The following DAB1 variants were observed in gnomAD, a reference collection of about 807,000 sequenced individuals.
The protein encoded by DAB1 is DAB adaptor protein 1, also known as disabled homolog 1.
In DAB1, 15 loss-of-function variants were observed where a neutral mutation model predicts 64.6. The observed-to-expected ratio is 0.23, with a 90% CI of 0.16 to 0.36. DAB1 has a LOEUF of 0.36. Ranked by LOEUF, DAB1 falls within the 10% of genes least tolerant of loss-of-function variation. The pLI is 1.00. For synonymous variants in DAB1, 235 were observed against 251.9 expected (o/e 0.93, Z 0.64); for missense variants, 596 against 706.7 (o/e 0.84, Z 1.78).
At position 58,062,728 on chromosome 1, in the gene DAB1, T is replaced by C. The variant is rs144750408; in HGVS notation, n.387+87783A>G. Among the ~76,000 whole-genome samples the C allele has an allele frequency of 2.6e-3, 400 of 152,328 alleles. 4 individuals carry two copies. The highest frequency in any genetic ancestry group is 9.1e-3 in the African/African-American group (379 of 41,574). On this transcript the variant is annotated intron_variant and non_coding_transcript_variant, in intron 5 of 20. Coordinates refer to the DAB1 transcript ENST00000485760. Reference sequence around the variant, plus strand: ...TGGAGGGCCTACCTAGTCACCCAGATGGCTTTCTGCTTTGAGAAAGTTTCT... The same window carrying C: ...TGGAGGGCCTACCTAGTCACCCAGACGGCTTTCTGCTTTGAGAAAGTTTCT...
At chr1:57,208,077 G>C (rs1183941415) in intron 2 of DAB1, among the ~76,000 whole-genome samples, 3 of 152,196 alleles carry the variant, frequency 2.0e-5, no homozygotes, top group Non-Finnish European at 4.4e-5. Flanking sequence ...AAATAACACT[G>C]TCATGGGAGT....
intron 1 of DAB1, among the ~76,000 whole-genome samples, chr1:57,834,681 G>A (rs1652733633): frequency 6.6e-6 from 1 of 151,252 alleles, no homozygotes; most frequent in South Asian, 2.1e-4. Flanking sequence ...ACATATATAT[G>A]TGTATAGATA....
chr1:57,170,251 G>T (rs933354867), intron 2 of DAB1, among the ~76,000 whole-genome samples: 1 of 151,934 alleles, frequency 6.6e-6, no homozygotes, highest in African/African-American at 2.4e-5. Flanking sequence ...CAACTGCCTC[G>T]GCCTTCCAAA....
At chr1:57,390,893 G>T (rs1036917643) in intron 1 of DAB1, among the ~76,000 whole-genome samples, 1 of 152,248 alleles carries the variant, frequency 6.6e-6, no homozygotes, top group South Asian at 2.1e-4. Context: ...ATTCCTAGCT[G>T]TCCTCCTTCT....
chr1:57,522,248 G>A (rs1484484615), intron 7 of DAB1, among the ~76,000 whole-genome samples: 2 of 152,164 alleles, frequency 1.3e-5, no homozygotes, highest in African/African-American at 2.4e-5. Flanking sequence ...CAGTTAGACA[G>A]CCAGAGCCCC....
chr1:57,613,985 G>A (rs999228025), intron 7 of DAB1, among the ~76,000 whole-genome samples: 3 of 152,114 alleles, frequency 2.0e-5, no homozygotes, highest in East Asian at 1.9e-4. Flanking sequence ...CCTGTATATC[G>A]GTAGCAGGAA....
At chr1:58,214,088 T>C (rs1397425226) in intron 4 of DAB1, among the ~76,000 whole-genome samples, 1 of 152,146 alleles carries the variant, frequency 6.6e-6, no homozygotes, top group Non-Finnish European at 1.5e-5. Flanking sequence ...AAAAAGATCT[T>C]CATCCACCTG....
chr1:57,271,747 A>G (rs1231109872), intron 2 of DAB1, among the ~76,000 whole-genome samples: 1 of 152,180 alleles, frequency 6.6e-6, no homozygotes, highest in Non-Finnish European at 1.5e-5. Flanking sequence ...AGTGCCATCT[A>G]GGCTGATTTT....
chr1:57,617,787 C>T (rs1393534341), intron 7 of DAB1, among the ~76,000 whole-genome samples: 2 of 152,192 alleles, frequency 1.3e-5, no homozygotes, highest in South Asian at 2.1e-4. Flanking sequence ...TCCCAAGACT[C>T]ACCTGTGCTT....
intron 3 of DAB1, among the ~76,000 whole-genome samples, chr1:58,414,557 A>G (rs1357177285): frequency 6.6e-6 from 1 of 152,254 alleles, no homozygotes; most frequent in African/African-American, 2.4e-5. Flanking sequence ...TTCTTGAATG[A>G]ATGAATGAAT....
chr1:57,250,238 C>T (rs1157994246), intron 2 of DAB1, among the ~76,000 whole-genome samples: 1 of 152,154 alleles, frequency 6.6e-6, no homozygotes, highest in African/African-American at 2.4e-5. Flanking sequence ...GGGAATTTTG[C>T]ATGAAAACAC....
intron 3 of DAB1, among the ~76,000 whole-genome samples, chr1:57,144,266 T>A (rs943574903): frequency 6.6e-6 from 1 of 152,138 alleles, no homozygotes; most frequent in African/African-American, 2.4e-5. Context: ...TACTTCTTGC[T>A]AAACCATTTA....
intron 7 of DAB1, among the ~76,000 whole-genome samples, chr1:57,603,059 G>A (rs374004504): frequency 1.5e-4 from 23 of 152,208 alleles, no homozygotes; most frequent in South Asian, 1.0e-3. Context: ...TGCAACTTCC[G>A]CCTCCTGGGT....
chr1:57,661,064 G>C (rs1017421107), intron 6 of DAB1, among the ~76,000 whole-genome samples: 12 of 152,156 alleles, frequency 7.9e-5, no homozygotes, highest in Middle Eastern at 3.2e-3. Context: ...CATTTGTAGA[G>C]ACTAAGAAAC....
chr1:57,357,247 C>G (rs1679179685), intron 1 of DAB1, among the ~76,000 whole-genome samples: 1 of 151,972 alleles, frequency 6.6e-6, no homozygotes, highest in South Asian at 2.1e-4. Context: ...CCTATTCCTG[C>G]TCAGAGAAAT....
intron 1 of DAB1, among the ~76,000 whole-genome samples, chr1:57,336,583 C>T (rs17456828): frequency 0.11 from 16,306 of 152,236 alleles, 946 homozygotes; most frequent in Middle Eastern, 0.13. Flanking sequence ...TACACAACAG[C>T]TCTAGTAGGT....
In DAB1 at chr1:57,045,637, G is replaced by T. The variant is rs376312970; in HGVS notation, c.723+17247C>A. ...CACTTGAACCTGGGAAGCGGAGGTTGCAGTGAGCTGAGATCACACCACTGC... is the reference window on the plus strand; with the variant it reads ...CACTTGAACCTGGGAAGCGGAGGTTTCAGTGAGCTGAGATCACACCACTGC... On this transcript the variant is annotated intron_variant, in intron 9 of 14. Transcript: ENST00000371236. 1.2e-3 allele frequency among the ~76,000 whole-genome samples: 186 copies of T among 152,268 alleles called. 2 individuals are homozygous for T. In the South Asian group the frequency reaches 0.037, roughly 30 times the overall value.
chr1:57,944,906 C>A (rs1018382862), intron 5 of DAB1, among the ~76,000 whole-genome samples: 3 of 152,112 alleles, frequency 2.0e-5, no homozygotes, highest in African/African-American at 7.2e-5. Context: ...AGCAGAGATA[C>A]ATATAAGCAC....
intron 3 of DAB1, among the ~76,000 whole-genome samples, chr1:58,500,111 CT>C (rs1394566102): frequency 6.6e-6 from 1 of 152,092 alleles, no homozygotes; most frequent in Non-Finnish European, 1.5e-5. Context: ...TTACTTTCCC[CT>C]TTCCCCTCAA....
Sources: gnomAD v4.1 joint callset for allele counts (sites outside exome capture counted in the v4.1 genomes callset) on GRCh38, gnomAD v4.1.1 for gene constraint, MANE v1.5 for transcripts, NCBI Gene and HGNC (gene_info 2026-07-23, HGNC 2026-07-21) for gene names.